ATF7IP2: variants seen among roughly 807,000 people sequenced by gnomAD.
ATF7IP2 encodes the protein activating transcription factor 7 interacting protein 2, also known as activating transcription factor 7-interacting protein 2.
A neutral mutation model predicts 64.2 loss-of-function variants in ATF7IP2; 42 were observed. That is an observed-to-expected ratio of 0.65 (90% CI 0.51 to 0.85). The LOEUF is 0.85. Ranked by LOEUF, ATF7IP2 falls within the 40% of genes least tolerant of loss-of-function variation. ATF7IP2 has a pLI of 0.00. For missense variants in ATF7IP2, 933 were observed against 784.2 expected, an observed-to-expected ratio of 1.19 and a Z score of -2.27; for synonymous variants, 308 against 272.8, an observed-to-expected ratio of 1.13 and a Z score of -1.27.
intron 1 of ATF7IP2, among the ~76,000 whole-genome samples, chr16:10,388,064 T>G (rs1328826087): frequency 6.6e-6 from 1 of 151,996 alleles, no homozygotes; most frequent in Non-Finnish European, 1.5e-5. Context: ...CTAGTTTTTG[T>G]ATTTTTAGTA....
intron 9 of ATF7IP2, among the ~76,000 whole-genome samples, chr16:10,468,897 T>A (rs534973164): frequency 6.6e-6 from 1 of 152,266 alleles, no homozygotes; most frequent in East Asian, 1.9e-4. Flanking sequence ...ACAGGTAGGG[T>A]CCACAGATGG....
At chr16:10,391,729 C>G (rs928245230) in intron 1 of ATF7IP2, among the ~76,000 whole-genome samples, 2 of 152,118 alleles carry the variant, frequency 1.3e-5, no homozygotes, top group Admixed American at 6.6e-5. Context: ...GAAACACTAT[C>G]TCTACTAAAA....
At chr16:10,416,834 C>T (rs2047889413) in intron 2 of ATF7IP2, among the ~76,000 whole-genome samples, 1 of 152,096 alleles carries the variant, frequency 6.6e-6, no homozygotes, top group East Asian at 1.9e-4. Context: ...ACCTAGTTAA[C>T]CTAGTATTTA....
At chr16:10,457,746 G>T in intron 9 of ATF7IP2, 2 of 358,910 alleles carry the variant, frequency 5.6e-6, no homozygotes, top group Non-Finnish European at 9.8e-6. Context: ...TCACTTTGTT[G>T]TCCAGGCTGG....
At chr16:10,454,470 C>T (rs1012312821) in intron 8 of ATF7IP2, 1 of 141,116 alleles carries the variant, frequency 7.1e-6, no homozygotes, top group Non-Finnish European at 1.5e-5. Flanking sequence ...TGGGGTTCTA[C>T]AGTGTATCAC....
intron 6 of ATF7IP2, among the ~76,000 whole-genome samples, chr16:10,435,742 G>A (rs1301088119): frequency 6.6e-6 from 1 of 152,096 alleles, no homozygotes; most frequent in East Asian, 1.9e-4. Flanking sequence ...TTTCTCAAAC[G>A]TACCTGATAA....
At chr16:10,402,283 A>C (rs1002579853) in intron 1 of ATF7IP2, among the ~76,000 whole-genome samples, 2 of 151,726 alleles carry the variant, frequency 1.3e-5, no homozygotes, top group African/African-American at 2.4e-5. Flanking sequence ...TCGTTTTTCT[A>C]TTTTCATTTG....
chr16:10,420,359 G>A lies in ATF7IP2; in HGVS notation c.-160+736G>A, dbSNP rs574399012. On this transcript the variant is annotated intron_variant, in intron 3 of 13. Transcript: ENST00000562102. The stretch of plus-strand genomic sequence containing the variant: ...TAGTCTCCCAAACGAGGGAACATGG[G>A]TGACATCCATTTGCCAAAGAGAATT... Among the ~76,000 whole-genome samples, 34 of 152,298 alleles carry A rather than the reference G, an allele frequency of 2.2e-4. No individual in the cohort carries two copies. The South Asian group carries it at 5.2e-3, about 23-fold the overall frequency.
At chr16:10,387,053 A>C (rs1033667164) in intron 1 of ATF7IP2, 1 of 152,360 alleles carries the variant, frequency 6.6e-6, no homozygotes. Flanking sequence ...AATAGTCCAC[A>C]TTAGAAAAAT....
chr16:10,481,725 G>T, intron 13 of ATF7IP2, 111 bp from the exon 14 acceptor site: 1 of 970,708 alleles, frequency 1.0e-6, no homozygotes. Context: ...ACATATTACT[G>T]AAATATCCTT....
chr16:10,464,563 G>C (rs2049490277), intron 9 of ATF7IP2, among the ~76,000 whole-genome samples: 1 of 152,190 alleles, frequency 6.6e-6, no homozygotes, highest in African/African-American at 2.4e-5. Flanking sequence ...ACTTGCTTAA[G>C]TTGGAAGGAA....
At chr16:10,452,716 C>G (rs1391139988) in intron 8 of ATF7IP2, among the ~76,000 whole-genome samples, 2 of 152,208 alleles carry the variant, frequency 1.3e-5, no homozygotes, top group Non-Finnish European at 2.9e-5. Flanking sequence ...CTCAGGTGCT[C>G]TGTCCCAGGG....
At chr16:10,479,958 C>CTTTTTTTTTTTT (rs201158427) in intron 12 of ATF7IP2, among the ~76,000 whole-genome samples, 3 of 80,592 alleles carry the variant, frequency 3.7e-5, no homozygotes, top group Admixed American at 1.7e-4. Flanking sequence ...ACTGGAAATA[C>CTTTTTTTTTTTT]TTTTTTTTTT....
chr16:10,409,495 A>AT (rs35989281), intron 1 of ATF7IP2, among the ~76,000 whole-genome samples: 117,158 of 149,466 alleles, frequency 0.78, 46,456 homozygotes, highest in African/African-American at 0.93. Flanking sequence ...TCCTTGATCC[A>AT]TTTTTTTTTT....
At chr16:10,399,753 A>T (rs113231081) in intron 1 of ATF7IP2, among the ~76,000 whole-genome samples, 256 of 152,302 alleles carry the variant, frequency 1.7e-3, no homozygotes, top group African/African-American at 5.2e-3. Flanking sequence ...TAGTGAATGC[A>T]TTGAATTTGT....
intron 1 of ATF7IP2, among the ~76,000 whole-genome samples, chr16:10,411,434 C>G (rs1247200539): frequency 6.7e-6 from 1 of 149,244 alleles, no homozygotes; most frequent in Non-Finnish European, 1.5e-5. Flanking sequence ...CTGGCTGTGT[C>G]ACCCAGGCTG....
At chr16:10,411,752 C>G (rs531134930) in intron 1 of ATF7IP2, among the ~76,000 whole-genome samples, 1 of 152,168 alleles carries the variant, frequency 6.6e-6, no homozygotes, top group Admixed American at 6.5e-5. Context: ...CTGATTTAAG[C>G]TAGGAGGGTT....
intron 1 of ATF7IP2, among the ~76,000 whole-genome samples, chr16:10,412,646 T>A (rs959785609): frequency 1.3e-5 from 2 of 152,204 alleles, no homozygotes; most frequent in African/African-American, 4.8e-5. Context: ...GAATGTATAT[T>A]CTGCAGTTGT....
chr16:10,447,321 GTC>G (rs1446943720), intron 8 of ATF7IP2: 5 of 152,186 alleles, frequency 3.3e-5, no homozygotes, highest in African/African-American at 1.2e-4. Context: ...CAACGGGTGG[GTC>G]TCAGTCTCCA....
Sources: allele counts gnomAD v4.1 joint callset (sites outside exome capture counted in the v4.1 genomes callset), GRCh38; gene constraint gnomAD v4.1.1; transcripts MANE v1.5; gene names NCBI Gene and HGNC (gene_info 2026-07-23, HGNC 2026-07-21).